Variants in LYRM4 observed in about 807,000 individuals in gnomAD.
The protein encoded by LYRM4 is LYR motif containing 4, also known as LYR motif-containing protein 4.
A neutral mutation model predicts 11.7 loss-of-function variants in LYRM4; 9 were observed. The ratio of observed to expected loss-of-function variants is 0.77; its 90% CI spans 0.46 to 1.34. The LOEUF is 1.34. Ranked by LOEUF, LYRM4 falls within the 40% of genes most tolerant of loss-of-function variation. The probability of loss-of-function intolerance (pLI) is 0.00; values close to 1 mark genes in which losing one functional copy is unlikely to be tolerated. For synonymous variants in LYRM4, 42 were observed against 40.4 expected (o/e 1.04, Z -0.15); for missense variants, 133 against 112.5 (o/e 1.18, Z -0.82).
chr6:5,043,230 T>C, the LYRM4 span: 2 of 152,008 alleles, frequency 1.3e-5, no homozygotes, highest in Non-Finnish European at 2.9e-5. Flanking sequence ...CACCAAGATA[T>C]TATTGTCCAA....
chr6:5,156,929 C>T (rs151192386), intron 2 of LYRM4, among the ~76,000 whole-genome samples: 91 of 152,326 alleles, frequency 6.0e-4, no homozygotes, highest in African/African-American at 1.7e-3. Flanking sequence ...CTGAAGCTCT[C>T]GCTTTAGCCC....
rs150230071 is a variant in LYRM4 at position 5,171,469 on chromosome 6, C to T, written c.207+45149G>A. On this transcript the variant is annotated intron_variant, in intron 2 of 2. Coordinates refer to ENST00000330636, the MANE Select transcript of LYRM4 (RefSeq NM_020408.6). The stretch of plus-strand genomic sequence containing the variant: ...TACCTCTTGCCTGAGAAAGACACAC[C>T]AACATCAAACAAAAATAAATGATTC... 3.7e-3 allele frequency among the ~76,000 whole-genome samples: 570 copies of T among 152,288 alleles called. 2 individuals are homozygous for T. The highest frequency in any genetic ancestry group is 0.013 in the African/African-American group (556 of 41,548).
chr6:5,207,261 GA>G (rs917551809), intron 2 of LYRM4, among the ~76,000 whole-genome samples: 1 of 152,116 alleles, frequency 6.6e-6, no homozygotes, highest in African/African-American at 2.4e-5. Context: ...ATACACAGGT[GA>G]AATCCATCCA....
chr6:5,128,660 T>G (rs1220263533), intron 2 of LYRM4, among the ~76,000 whole-genome samples: 1 of 152,234 alleles, frequency 6.6e-6, no homozygotes, highest in Non-Finnish European at 1.5e-5. Context: ...TCATAACTAT[T>G]TTGTGAACAT....
chr6:5,163,647 G>A (rs1428592275), intron 2 of LYRM4, among the ~76,000 whole-genome samples: 3 of 144,018 alleles, frequency 2.1e-5, no homozygotes, highest in African/African-American at 7.8e-5. Flanking sequence ...TTGAGATAGA[G>A]TCTCACTATC....
At chr6:5,256,225 C>A (rs368713224) in intron 1 of LYRM4, among the ~76,000 whole-genome samples, 18 of 152,094 alleles carry the variant, frequency 1.2e-4, no homozygotes, top group African/African-American at 4.1e-4. Flanking sequence ...CGCGGTGGCT[C>A]ATGCCTGTAA....
Position 5,186,687 on chromosome 6 carries a change from A to G in LYRM4, c.207+29931T>C, listed in dbSNP as rs1760413536. On this transcript the variant is annotated intron_variant, in intron 2 of 2. Transcript: ENST00000330636. ...CAATGAAGTGAAATGTAACTACATA[A>G]AAATTATAATTGTCTGCCGGGCACA... The G allele has an allele frequency of 9.1e-6, 9 of 985,830 alleles. No homozygotes were observed. In the South Asian group the frequency reaches 4.2e-4, roughly 46 times the overall value. The allele number at this position is 985,830 out of a possible 1,614,324, so 61.1% of individuals were successfully genotyped here.
chr6:5,134,930 TG>T (rs1165219430), intron 2 of LYRM4, among the ~76,000 whole-genome samples: 4 of 149,132 alleles, frequency 2.7e-5, no homozygotes, highest in African/African-American at 7.5e-5. Flanking sequence ...CCTGGGACTG[TG>T]GAGGGTGCGG....
downstream of LYRM4, among the ~76,000 whole-genome samples, chr6:5,099,999 C>A (rs1435298974): frequency 6.6e-6 from 1 of 152,192 alleles, no homozygotes; most frequent in Non-Finnish European, 1.5e-5. The surrounding 1 kb of genome is among the most constrained non-coding windows in gnomAD (Gnocchi z 4.3). Flanking sequence ...GACATTTAGA[C>A]CTGTCAATGT....
rs146170345 is a variant in LYRM4 at position 5,244,858 on chromosome 6, A to G, written c.86+15790T>C. On this transcript the variant is annotated intron_variant, in intron 1 of 2. Transcript: ENST00000330636. ...TGAGTGTGGAGCTTTCATGGCACTG[A>G]CGGGGGTAGCTGAGTGTAGTTCTGA... Among the ~76,000 whole-genome samples, 1,228 of 151,412 alleles carry G rather than the reference A, an allele frequency of 8.1e-3. 5 individuals carry two copies. Among genetic ancestry groups the G allele is most frequent in the Middle Eastern group, 0.041 (12 of 294 alleles).
chr6:5,050,083 G>A, the LYRM4 span, among the ~76,000 whole-genome samples: 1 of 152,388 alleles, frequency 6.6e-6, no homozygotes, highest in South Asian at 2.1e-4. Context: ...CAGCGTAGAA[G>A]CATCAGGAAT....
chr6:5,166,167 C>T (rs1472585347), intron 2 of LYRM4, among the ~76,000 whole-genome samples: 4 of 152,142 alleles, frequency 2.6e-5, no homozygotes, highest in African/African-American at 9.7e-5. Flanking sequence ...TTTGGTAATG[C>T]ATTAAAAACT....
chr6:5,086,497 T>TA, the LYRM4 span: 1 of 1,535,818 alleles, frequency 6.5e-7, no homozygotes, highest in Admixed American at 2.0e-5. Context: ...GCAGGGCGAG[T>TA]ACTGGGACAA....
At chr6:5,082,423 C>T in the LYRM4 span, among the ~76,000 whole-genome samples, 3 of 152,154 alleles carry the variant, frequency 2.0e-5, no homozygotes, top group East Asian at 5.8e-4. Context: ...GGGGTCCCTG[C>T]CCCAGTGACT....
At chr6:5,036,505 A>T in the LYRM4 span, among the ~76,000 whole-genome samples, 1 of 152,202 alleles carries the variant, frequency 6.6e-6, no homozygotes, top group Admixed American at 6.5e-5. Flanking sequence ...CTGCTGTCAT[A>T]GAGCCCTGGC....
At chr6:5,122,024 T>C (rs1581319229) in intron 2 of LYRM4, among the ~76,000 whole-genome samples, 2 of 152,196 alleles carry the variant, frequency 1.3e-5, no homozygotes, top group South Asian at 4.2e-4. Context: ...GGGACACCTT[T>C]TTTCAAAGTC....
At chr6:5,222,693 C>A in intron 1 of LYRM4, among the ~76,000 whole-genome samples, 1 of 147,376 alleles carries the variant, frequency 6.8e-6, no homozygotes, top group East Asian at 2.0e-4. Context: ...AGTAAGATGA[C>A]TATTAAAGTA....
chr6:5,245,112 AAATATATATATATATATAT>A (rs1398139015), intron 1 of LYRM4, among the ~76,000 whole-genome samples: 7 of 31,972 alleles, frequency 2.2e-4, no homozygotes, highest in Admixed American at 4.1e-4. Flanking sequence ...AAAAAAAAAA[AAATATATATATATATATAT>A]ATATATATAT....
chr6:5,239,677 G>A (rs1345788220), intron 1 of LYRM4, among the ~76,000 whole-genome samples: 1 of 152,190 alleles, frequency 6.6e-6, no homozygotes, highest in East Asian at 1.9e-4. Context: ...TGGCAGGCCA[G>A]ACTGCAGCAG....
Sources: allele counts gnomAD v4.1 joint callset (sites outside exome capture counted in the v4.1 genomes callset), GRCh38; gene constraint gnomAD v4.1.1; non-coding constraint Gnocchi (gnomAD v3.1); transcripts MANE v1.5; gene names NCBI Gene and HGNC (gene_info 2026-07-23, HGNC 2026-07-21).